The following GRM8 variants were observed in gnomAD, a reference collection of about 807,000 sequenced individuals.
The protein encoded by GRM8 is glutamate metabotropic receptor 8.
In GRM8, 47 loss-of-function variants were observed where a neutral mutation model predicts 87.2. The observed-to-expected ratio is 0.54, with a 90% CI of 0.43 to 0.69. The LOEUF is 0.69. Among genes scored for constraint, GRM8 ranks in the 30% least tolerant of loss-of-function variants. The probability of loss-of-function intolerance (pLI) is 0.00; values close to 1 mark genes in which losing one functional copy is unlikely to be tolerated. For missense variants in GRM8, 1,019 were observed against 1,139.2 expected (o/e 0.89, Z 1.52); for synonymous variants, 396 against 404.5 (o/e 0.98, Z 0.25).
chr7:126,596,621 A>G (rs1735939191), intron 8 of GRM8, among the ~76,000 whole-genome samples: 1 of 152,178 alleles, frequency 6.6e-6, no homozygotes, highest in Non-Finnish European at 1.5e-5. Context: ...AAGACAACAT[A>G]AGGAATCCTT....
intron 6 of GRM8, among the ~76,000 whole-genome samples, chr7:126,856,310 T>C (rs2130774642): frequency 1.3e-5 from 2 of 152,292 alleles, no homozygotes; most frequent in Middle Eastern, 3.4e-3. Context: ...CTGCAGGGAA[T>C]GCTTATAAAT....
At chr7:127,212,407 G>GTTTTT (rs1563581982) in intron 2 of GRM8, among the ~76,000 whole-genome samples, 2 of 118,414 alleles carry the variant, frequency 1.7e-5, no homozygotes, top group African/African-American at 3.7e-5. Context: ...AGGACATGGT[G>GTTTTT]TTATTTTTTT....
At chr7:127,207,448 A>T (rs190940316) in intron 2 of GRM8, among the ~76,000 whole-genome samples, 4 of 152,346 alleles carry the variant, frequency 2.6e-5, no homozygotes, top group Admixed American at 1.3e-4. Context: ...CAATGAGCCA[A>T]GTACCAATGT....
intron 2 of GRM8, among the ~76,000 whole-genome samples, chr7:127,155,079 T>A (rs543793663): frequency 2.6e-5 from 4 of 152,278 alleles, no homozygotes; most frequent in Non-Finnish European, 4.4e-5. Flanking sequence ...ATTGTAAGAA[T>A]TGGTACAGAC....
At chr7:126,442,278 T>A (rs532865457) in intron 10 of GRM8, among the ~76,000 whole-genome samples, 3 of 152,178 alleles carry the variant, frequency 2.0e-5, no homozygotes, top group African/African-American at 7.2e-5. Flanking sequence ...GGTAAAATAT[T>A]TGTTACATTT....
intron 6 of GRM8, among the ~76,000 whole-genome samples, chr7:126,795,852 A>G (rs1258409935): frequency 6.8e-6 from 1 of 146,786 alleles, no homozygotes; most frequent in Non-Finnish European, 1.5e-5. Context: ...ATAAGACTGG[A>G]AAAAAAAAAA....
intron 3 of GRM8, among the ~76,000 whole-genome samples, chr7:127,026,905 T>C (rs2132266115): frequency 6.6e-6 from 1 of 152,334 alleles, no homozygotes. Flanking sequence ...ATGAAGTCTT[T>C]GCCCATGCCT....
intron 2 of GRM8, among the ~76,000 whole-genome samples, chr7:127,221,867 C>G (rs1413355510): frequency 6.6e-6 from 1 of 152,156 alleles, no homozygotes; most frequent in Non-Finnish European, 1.5e-5. Context: ...TCCACTCTTC[C>G]TCCTGAGAGA....
chr7:127,203,679 G>T (rs1257817707), intron 2 of GRM8, among the ~76,000 whole-genome samples: 1 of 151,794 alleles, frequency 6.6e-6, no homozygotes, highest in Non-Finnish European at 1.5e-5. Flanking sequence ...CTGTACTCCA[G>T]TCTGGGCGAC....
chr7:127,072,837 G>GT (rs1821853430), intron 3 of GRM8, among the ~76,000 whole-genome samples: 2 of 151,908 alleles, frequency 1.3e-5, no homozygotes, highest in Non-Finnish European at 2.9e-5. Context: ...TTTTTAGGGA[G>GT]TTCTTGAAGA....
intron 2 of GRM8, among the ~76,000 whole-genome samples, chr7:127,113,049 T>C (rs898293306): frequency 1.3e-5 from 2 of 152,170 alleles, no homozygotes; most frequent in Admixed American, 6.5e-5. Flanking sequence ...AGCCTTCCTG[T>C]ACATGACTGA....
In GRM8 at chr7:126,714,654, C is replaced by T. The variant is rs114882697; in HGVS notation, c.1357+55211G>A. Among the ~76,000 whole-genome samples, 536 of 152,176 alleles carry T rather than the reference C, an allele frequency of 3.5e-3. 1 individual carries two copies. Among genetic ancestry groups the T allele is most frequent in the African/African-American group, 0.01 (427 of 41,528 alleles). On this transcript the variant is annotated intron_variant, in intron 7 of 10. Transcript: ENST00000339582. ...AAATGCAATATAGGCAGTGGCTTCA[C>T]GGAAAAGATCATCCCCTTTTTCATA...
intron 7 of GRM8, among the ~76,000 whole-genome samples, chr7:126,635,573 T>G (rs970216959): frequency 3.0e-4 from 45 of 152,162 alleles, no homozygotes; most frequent in African/African-American, 1.0e-3. Context: ...TTCAGAAATA[T>G]AATTTTTACA....
chr7:127,182,005 A>C (rs1794464764), intron 2 of GRM8, among the ~76,000 whole-genome samples: 1 of 152,168 alleles, frequency 6.6e-6, no homozygotes, highest in South Asian at 2.1e-4. Flanking sequence ...GGACCTAATT[A>C]AACTAAAGAG....
At chr7:126,483,026 T>G (rs1430224394) in intron 9 of GRM8, among the ~76,000 whole-genome samples, 1 of 149,956 alleles carries the variant, frequency 6.7e-6, no homozygotes, top group African/African-American at 2.4e-5. Context: ...TTTATGTGTA[T>G]ACTTATTTTA....
chr7:126,687,043 C>G (rs1003552907), intron 7 of GRM8, among the ~76,000 whole-genome samples: 8 of 152,160 alleles, frequency 5.3e-5, no homozygotes, highest in Admixed American at 2.0e-4. Flanking sequence ...ACACAGAAAA[C>G]TGAATAAAAC....
chr7:127,080,911 G>A (rs907153454), intron 3 of GRM8: 6 of 152,178 alleles, frequency 3.9e-5, no homozygotes, highest in Admixed American at 3.9e-4. Context: ...CATTATTTAA[G>A]CTAGTTTTGG....
At chr7:126,700,827 AAC>A (rs1486101903) in intron 7 of GRM8, among the ~76,000 whole-genome samples, 3 of 152,194 alleles carry the variant, frequency 2.0e-5, no homozygotes, top group Non-Finnish European at 2.9e-5. Flanking sequence ...CATCTGAAAC[AAC>A]AGAGGACATA....
chr7:126,528,281 TAAATGG>T (rs1483604203), intron 9 of GRM8, among the ~76,000 whole-genome samples: 32 of 152,294 alleles, frequency 2.1e-4, no homozygotes, highest in African/African-American at 7.5e-4. Context: ...AGATATGGTC[TAAATGG>T]CAGGTGAAAT....
Sources: gnomAD v4.1 joint callset for allele counts (sites outside exome capture counted in the v4.1 genomes callset) on GRCh38, gnomAD v4.1.1 for gene constraint, MANE v1.5 for transcripts, NCBI Gene and HGNC (gene_info 2026-07-23, HGNC 2026-07-21) for gene names.